The following AFAP1L2 variants were observed in gnomAD, a reference collection of about 807,000 sequenced individuals.
The protein encoded by AFAP1L2 is actin filament associated protein 1 like 2, also known as actin filament-associated protein 1-like 2.
Under a neutral mutation model 99.3 loss-of-function variants are expected in AFAP1L2, and 46 were observed. The observed-to-expected ratio is 0.46, with a 90% confidence interval of 0.37 to 0.59. The LOEUF is 0.59. AFAP1L2 is among the 20% of genes least tolerant of loss of function. The pLI is 0.00. For synonymous variants in AFAP1L2, 397 were observed against 419.1 expected, an observed-to-expected ratio of 0.95 and a Z score of 0.64; for missense variants, 959 against 1,034.9, an observed-to-expected ratio of 0.93 and a Z score of 1.01.
the AFAP1L2 span, chr10:114,286,218 TGCGGCAG>T: frequency 6.2e-7 from 1 of 1,613,634 alleles, no homozygotes; most frequent in African/African-American, 1.3e-5. Context: ...GGCAGTGCCT[TGCGGCAG>T]GCGGCAGAGC....
At chr10:114,349,807 G>A (rs2050185317) in intron 1 of AFAP1L2, among the ~76,000 whole-genome samples, 1 of 151,634 alleles carries the variant, frequency 6.6e-6, no homozygotes, top group East Asian at 1.9e-4. Flanking sequence ...AAGAAATGGC[G>A]AGGGGGGCGG....
intron 18 of AFAP1L2, 117 bp from the exon 19 acceptor site, chr10:114,296,185 G>T: frequency 7.1e-7 from 1 of 1,405,926 alleles, no homozygotes; most frequent in Non-Finnish European, 1.0e-6. Context: ...TAGGCACAGA[G>T]GTGATAAATG....
chr10:114,360,772 C>A (rs2052279357), intron 1 of AFAP1L2, among the ~76,000 whole-genome samples: 1 of 152,150 alleles, frequency 6.6e-6, no homozygotes, highest in Non-Finnish European at 1.5e-5. Flanking sequence ...TTTTATCTCC[C>A]AAATTTATTC....
chr10:114,398,834 G>A, intron 1 of AFAP1L2: 1 of 1,304,272 alleles, frequency 7.7e-7, no homozygotes, highest in African/African-American at 1.5e-5. Flanking sequence ...AGAGGGCACA[G>A]ACAGGCTCAT....
chr10:114,303,453 G>T (rs562008184), intron 11 of AFAP1L2, among the ~76,000 whole-genome samples: 91 of 152,186 alleles, frequency 6.0e-4, no homozygotes, highest in Admixed American at 1.2e-3. Context: ...GACTACAGGC[G>T]CCCACCACCA....
intron 4 of AFAP1L2, among the ~76,000 whole-genome samples, chr10:114,330,392 C>T (rs1286010743): frequency 1.3e-5 from 2 of 152,202 alleles, no homozygotes; most frequent in Non-Finnish European, 1.5e-5. Context: ...AGTCCTGCCC[C>T]AGGATCCCTC....
downstream of AFAP1L2, among the ~76,000 whole-genome samples, chr10:114,291,910 G>A (rs1383496319): frequency 6.6e-6 from 1 of 152,174 alleles, no homozygotes; most frequent in African/African-American, 2.4e-5. Flanking sequence ...AGTGTGCAAT[G>A]GGCCCAGGTC....
chr10:114,343,261 A>G (rs2049056068), intron 1 of AFAP1L2, among the ~76,000 whole-genome samples: 1 of 152,226 alleles, frequency 6.6e-6, no homozygotes, highest in African/African-American at 2.4e-5. Flanking sequence ...GGTTTACTGC[A>G]TGAATGAGCT....
chr10:114,346,809 G>A (rs1320370865), intron 1 of AFAP1L2, among the ~76,000 whole-genome samples: 1 of 152,086 alleles, frequency 6.6e-6, no homozygotes, highest in East Asian at 1.9e-4. Context: ...GACTTCCAAG[G>A]CCCACGCAGG....
intron 11 of AFAP1L2, 34 bp downstream of exon 11, chr10:114,304,685 G>C: frequency 6.5e-7 from 1 of 1,549,196 alleles, no homozygotes; most frequent in African/African-American, 1.4e-5. Context: ...GCCACACCCT[G>C]GCTGGCCCTG....
At chr10:114,321,217 T>G (rs978935566) in intron 5 of AFAP1L2, among the ~76,000 whole-genome samples, 8 of 152,180 alleles carry the variant, frequency 5.3e-5, no homozygotes, top group African/African-American at 1.4e-4. Context: ...TCGAGTGGTG[T>G]ACACTGTACC....
intron 5 of AFAP1L2, chr10:114,319,699 G>A (rs570574873): frequency 7.6e-4 from 934 of 1,233,966 alleles, no homozygotes; most frequent in Non-Finnish European, 9.3e-4. Context: ...ACAGAATGAA[G>A]AGAGGAGCAC....
chr10:114,305,369 C>G (rs2042031467), intron 10 of AFAP1L2, among the ~76,000 whole-genome samples: 1 of 119,128 alleles, frequency 8.4e-6, no homozygotes, highest in African/African-American at 3.3e-5. Context: ...GGGAGCGGGG[C>G]TGCAGGAGAG....
At chr10:114,319,921 C>T (rs1423004995) in intron 5 of AFAP1L2, among the ~76,000 whole-genome samples, 1 of 152,140 alleles carries the variant, frequency 6.6e-6, no homozygotes, top group Non-Finnish European at 1.5e-5. Flanking sequence ...AAGTGATGTG[C>T]GTGACTTCCG....
rs1197568540 is a variant in AFAP1L2 at position 114,300,165 on chromosome 10, A to G, written c.1957+29T>C. The G allele has an allele frequency of 3.1e-6, 5 of 1,613,948 alleles. No individual in the cohort carries two copies. The Admixed American group carries it at 8.3e-5, about 27-fold the overall frequency. On this transcript the variant is annotated intron_variant, in intron 15 of 18. Transcript: ENST00000304129. ...GAGAACCCTGACTAATACAGATGGA[A>G]TCGGGCTAACTTCCCCAAGCACAAG...
chr10:114,346,465 A>T (rs2049593606), intron 1 of AFAP1L2, among the ~76,000 whole-genome samples: 1 of 152,226 alleles, frequency 6.6e-6, no homozygotes, highest in Non-Finnish European at 1.5e-5. Flanking sequence ...TTCGGGATCC[A>T]GCCACAGGCT....
At chr10:114,361,972 C>T (rs1441283172) in intron 1 of AFAP1L2, among the ~76,000 whole-genome samples, 2 of 152,036 alleles carry the variant, frequency 1.3e-5, no homozygotes, top group Non-Finnish European at 2.9e-5. Context: ...ACTATCTTAC[C>T]ACGACAGCTA....
At chr10:114,392,695 C>T (rs1213726337) in intron 1 of AFAP1L2, among the ~76,000 whole-genome samples, 1 of 152,170 alleles carries the variant, frequency 6.6e-6, no homozygotes, top group East Asian at 1.9e-4. Context: ...TTTTTAAAAG[C>T]CATTTGGGGA....
intron 7 of AFAP1L2, among the ~76,000 whole-genome samples, chr10:114,313,462 G>A (rs1166030275): frequency 6.6e-6 from 1 of 152,122 alleles, no homozygotes; most frequent in Non-Finnish European, 1.5e-5. Flanking sequence ...TCCATCCTTT[G>A]AGCCTTAATC....
Sources: allele counts gnomAD v4.1 joint callset (sites outside exome capture counted in the v4.1 genomes callset), GRCh38; gene constraint gnomAD v4.1.1; transcripts MANE v1.5; gene names NCBI Gene and HGNC (gene_info 2026-07-23, HGNC 2026-07-21).